KATNBL1: variants seen among roughly 807,000 people sequenced by gnomAD.
KATNBL1 encodes the protein katanin regulatory subunit B1 like 1, also known as KATNB1-like protein 1.
In KATNBL1, 28 loss-of-function variants were observed where a neutral mutation model predicts 44.7. The observed-to-expected ratio is 0.63, with a 90% confidence interval of 0.46 to 0.86. The LOEUF is 0.86. Ranked by LOEUF, KATNBL1 falls within the 40% of genes least tolerant of loss-of-function variation. The probability of loss-of-function intolerance (pLI) is 0.00; values close to 1 mark genes in which losing one functional copy is unlikely to be tolerated. For missense variants in KATNBL1, 272 were observed against 350.7 expected, an observed-to-expected ratio of 0.78 and a Z score of 1.79; for synonymous variants, 78 against 114.9, an observed-to-expected ratio of 0.68 and a Z score of 2.06.
Position 34,147,388 on chromosome 15 carries a change from G to A in KATNBL1, c.600C>T (p.Leu200=). The A allele has an allele frequency of 6.2e-7, 1 of 1,612,788 alleles. No individual in the cohort carries two copies. The highest frequency in any genetic ancestry group is 8.5e-7 in the Non-Finnish European group (1 of 1,178,994). Residue 200 remains leucine (L), a synonymous_variant, in exon 6 of 10, where the codon CTC becomes CTT. Transcript: ENST00000256544. ...LGVVVDCLPV[L]TNCLQEEKQY... ...AAAAATATTGTTTTTACCAATTGGT[G>A]AGCACAGGAAGGCAATCTACCACAA...
chr15:34,188,000 G>C lies in KATNBL1; in HGVS notation c.-15+21951C>G, dbSNP rs562757794. Reference sequence around the variant, plus strand: ...CTAAAAATACAAAAATCAGCCAGGTGTGGTAGCAAGTGCCTGTAATCCCAG... The same window carrying C: ...CTAAAAATACAAAAATCAGCCAGGTCTGGTAGCAAGTGCCTGTAATCCCAG... On this transcript the variant is annotated intron_variant, in intron 1 of 9. Transcript: ENST00000256544. 9.9e-4 allele frequency among the ~76,000 whole-genome samples: 149 copies of C among 151,002 alleles called. 1 individual carries two copies. In the South Asian group the frequency reaches 0.01, roughly 10 times the overall value.
At chr15:34,154,822 G>A (rs191667863) in intron 2 of KATNBL1, 138 bp from the exon 3 acceptor site, 12 of 646,034 alleles carry the variant, frequency 1.9e-5, no homozygotes, top group East Asian at 8.3e-5. Context: ...TGGAGTGGTC[G>A]CAAGAGCATA....
At chr15:34,188,714 A>T (rs74007704) in intron 1 of KATNBL1, among the ~76,000 whole-genome samples, 3,011 of 152,346 alleles carry the variant, frequency 0.02, 105 homozygotes, top group African/African-American at 0.069. Context: ...AGTAATTCTT[A>T]TGAACGCATC....
intron 1 of KATNBL1, among the ~76,000 whole-genome samples, chr15:34,194,959 C>CA (rs1404732719): frequency 6.6e-6 from 1 of 152,088 alleles, no homozygotes; most frequent in Non-Finnish European, 1.5e-5. Context: ...TAACAGATAA[C>CA]AAGGGTGTGG....
intron 9 of KATNBL1, chr15:34,145,138 G>T: frequency 8.5e-7 from 1 of 1,182,012 alleles, no homozygotes; most frequent in Non-Finnish European, 1.1e-6. Flanking sequence ...ACTTTTCTCT[G>T]ATTAAAACCC....
At chr15:34,208,088 TTTATTTTTA>T (rs2141013333) in intron 1 of KATNBL1, among the ~76,000 whole-genome samples, 3 of 152,324 alleles carry the variant, frequency 2.0e-5, no homozygotes, top group African/African-American at 7.2e-5. Flanking sequence ...CATTTTTTAT[TTTATTTTTA>T]TTATTTTTTA....
chr15:34,194,565 G>T (rs922739124), intron 1 of KATNBL1, among the ~76,000 whole-genome samples: 2 of 152,198 alleles, frequency 1.3e-5, no homozygotes, highest in Admixed American at 6.5e-5. Flanking sequence ...GGAGGCTGCA[G>T]TTAAGCTGAG....
chr15:34,194,961 A>C (rs1431020719), intron 1 of KATNBL1, among the ~76,000 whole-genome samples: 1 of 152,202 alleles, frequency 6.6e-6, no homozygotes, highest in Non-Finnish European at 1.5e-5. Context: ...ACAGATAACA[A>C]GGGTGTGGAG....
At chr15:34,159,060 T>C (rs999718592) in intron 2 of KATNBL1, among the ~76,000 whole-genome samples, 3 of 152,238 alleles carry the variant, frequency 2.0e-5, no homozygotes, top group African/African-American at 7.2e-5. Flanking sequence ...AAATTATTGA[T>C]TCAATAAGCC....
intron 1 of KATNBL1, among the ~76,000 whole-genome samples, chr15:34,197,659 CTA>C (rs1368606264): frequency 6.6e-6 from 1 of 152,106 alleles, no homozygotes; most frequent in Non-Finnish European, 1.5e-5. Context: ...GTTTATTTTT[CTA>C]TGAGATTAAG....
intron 1 of KATNBL1, among the ~76,000 whole-genome samples, chr15:34,178,710 C>G (rs892011857): frequency 2.9e-5 from 4 of 139,846 alleles, no homozygotes; most frequent in Non-Finnish European, 4.5e-5. Context: ...GAGCTGAGAT[C>G]GTGCCACTGC....
chr15:34,158,880 A>T (rs1188640221), intron 2 of KATNBL1, among the ~76,000 whole-genome samples: 3 of 152,160 alleles, frequency 2.0e-5, no homozygotes, highest in African/African-American at 7.2e-5. Flanking sequence ...CCCCATTTGA[A>T]AGGGGTCTTT....
At chr15:34,164,975 T>C (rs1025002657) in intron 1 of KATNBL1, among the ~76,000 whole-genome samples, 1 of 152,234 alleles carries the variant, frequency 6.6e-6, no homozygotes, top group Non-Finnish European at 1.5e-5. Context: ...AACATACACA[T>C]GAAATTTTAC....
At chr15:34,203,720 G>C (rs566138527) in intron 1 of KATNBL1, among the ~76,000 whole-genome samples, 3 of 152,232 alleles carry the variant, frequency 2.0e-5, no homozygotes, top group Non-Finnish European at 4.4e-5. Flanking sequence ...ATGGAGTCTT[G>C]CTCTGTCTCC....
At chr15:34,154,960 G>C (rs372360477) in intron 2 of KATNBL1, 2 of 409,792 alleles carry the variant, frequency 4.9e-6, no homozygotes, top group South Asian at 2.7e-5. Context: ...TGGGTATGAG[G>C]CAGAGTGGCG....
intron 1 of KATNBL1, among the ~76,000 whole-genome samples, chr15:34,176,189 A>G (rs1252471235): frequency 6.6e-6 from 1 of 152,046 alleles, no homozygotes; most frequent in Non-Finnish European, 1.5e-5. Context: ...AGCCTGGCCA[A>G]CATGGTGAAA....
intron 1 of KATNBL1, among the ~76,000 whole-genome samples, chr15:34,171,878 C>A (rs1401542984): frequency 6.7e-6 from 1 of 149,332 alleles, no homozygotes; most frequent in Non-Finnish European, 1.5e-5. Flanking sequence ...CAGGTGGGAA[C>A]TGAACAATGA....
At chr15:34,174,777 G>A (rs1472551632) in intron 1 of KATNBL1, among the ~76,000 whole-genome samples, 1 of 151,900 alleles carries the variant, frequency 6.6e-6, no homozygotes, top group South Asian at 2.1e-4. Flanking sequence ...GCCTGGATGG[G>A]ACTATAGGTG....
intron 1 of KATNBL1, among the ~76,000 whole-genome samples, chr15:34,205,064 G>C (rs1890259800): frequency 6.6e-6 from 1 of 151,436 alleles, no homozygotes; most frequent in South Asian, 2.1e-4. Flanking sequence ...TGCAATATCG[G>C]CTCACTGCAA....
Sources: gnomAD v4.1 joint callset for allele counts (sites outside exome capture counted in the v4.1 genomes callset) on GRCh38, gnomAD v4.1.1 for gene constraint, MANE v1.5 for transcripts, NCBI Gene and HGNC (gene_info 2026-07-23, HGNC 2026-07-21) for gene names.